Variants in BNC2 observed in about 807,000 individuals in gnomAD.
BNC2 encodes basonuclin zinc finger protein 2.
BNC2 carries 20 observed loss-of-function variants against 76.3 expected under a neutral mutation model. The observed-to-expected ratio is 0.26, with a 90% confidence interval of 0.18 to 0.38. The LOEUF (loss-of-function observed/expected upper bound fraction) is 0.38, where lower values mean the gene tolerates loss of function less well. Among genes scored for constraint, BNC2 ranks in the 10% least tolerant of loss-of-function variants. The pLI is 1.00. For synonymous variants in BNC2, 582 were observed against 514.8 expected (o/e 1.13, Z -1.77); for missense variants, 1,382 against 1,399.8 (o/e 0.99, Z 0.20).
At chr9:16,747,212 G>A (rs570940160) in intron 1 of BNC2, among the ~76,000 whole-genome samples, 4 of 152,208 alleles carry the variant, frequency 2.6e-5, no homozygotes, top group South Asian at 2.1e-4. Context: ...CCTTGTACCC[G>A]CTTCTAGAGA....
chr9:16,682,963 C>A (rs1018755008), intron 3 of BNC2, among the ~76,000 whole-genome samples: 1 of 152,198 alleles, frequency 6.6e-6, no homozygotes, highest in African/African-American at 2.4e-5. Context: ...GAGTGGGATT[C>A]TTTGCTGCTG....
intron 3 of BNC2, among the ~76,000 whole-genome samples, chr9:16,696,528 G>T (rs539869115): frequency 2.0e-5 from 3 of 152,200 alleles, no homozygotes; most frequent in African/African-American, 7.2e-5. Context: ...AGTGCTCTAT[G>T]TTCCTTAGGG....
chr9:16,782,912 G>T (rs1826193911), intron 1 of BNC2, among the ~76,000 whole-genome samples: 1 of 152,158 alleles, frequency 6.6e-6, no homozygotes, highest in Non-Finnish European at 1.5e-5. Flanking sequence ...TACCTTAGAA[G>T]CTAGGCATGC....
At chr9:16,839,535 G>C (rs998926772) in intron 1 of BNC2, among the ~76,000 whole-genome samples, 1 of 152,160 alleles carries the variant, frequency 6.6e-6, no homozygotes, top group African/African-American at 2.4e-5. Flanking sequence ...GACCTACTAT[G>C]TTTGACTCAC....
At chr9:16,803,309 G>T (rs982153258) in intron 1 of BNC2, among the ~76,000 whole-genome samples, 1 of 152,166 alleles carries the variant, frequency 6.6e-6, no homozygotes, top group Non-Finnish European at 1.5e-5. Context: ...AAATGTTTTA[G>T]CCCTCAACTT....
At chr9:16,552,002 AGG>A (rs995793033) in intron 5 of BNC2, among the ~76,000 whole-genome samples, 1 of 152,162 alleles carries the variant, frequency 6.6e-6, no homozygotes, top group Non-Finnish European at 1.5e-5. Flanking sequence ...CTATCATGTG[AGG>A]GTTTACTGGT....
intron 3 of BNC2, among the ~76,000 whole-genome samples, chr9:16,681,642 C>T (rs549572166): frequency 5.9e-5 from 9 of 152,306 alleles, no homozygotes; most frequent in Admixed American, 1.3e-4. Context: ...TACACTTATT[C>T]TCTACCCCTC....
intron 1 of BNC2, among the ~76,000 whole-genome samples, chr9:16,792,852 T>C (rs534996896): frequency 2.0e-5 from 3 of 152,316 alleles, no homozygotes; most frequent in Admixed American, 6.5e-5. Flanking sequence ...AGGAATTCCA[T>C]ATGGAATAGG....
intron 1 of BNC2, among the ~76,000 whole-genome samples, chr9:16,862,035 T>G (rs895421230): frequency 2.0e-5 from 3 of 151,024 alleles, no homozygotes; most frequent in African/African-American, 7.3e-5. Flanking sequence ...GAGGAGGGTG[T>G]AGAGAGACTG....
rs149521288 is a variant in BNC2 at position 16,805,957 on chromosome 9, G to C, written c.3+64689C>G. Among the ~76,000 whole-genome samples the C allele has an allele frequency of 5.4e-3, 828 of 152,236 alleles. 16 individuals are homozygous for C. Among genetic ancestry groups the C allele is most frequent in the African/African-American group, 0.019 (792 of 41,534 alleles). On this transcript the variant is annotated intron_variant, in intron 1 of 6. Transcript: ENST00000380672. The stretch of plus-strand genomic sequence containing the variant: ...TATATTTTGATTCTAATGTGAAATA[G>C]TTTGTGAAGCAAACAGTACAAATGA...
chr9:16,525,637 A>G (rs1817776174), intron 5 of BNC2, among the ~76,000 whole-genome samples: 1 of 152,216 alleles, frequency 6.6e-6, no homozygotes, highest in Admixed American at 6.5e-5. Flanking sequence ...AGGCACACAA[A>G]TTACGATACA....
chr9:16,580,491 A>T (rs375684649), intron 4 of BNC2, among the ~76,000 whole-genome samples: 3 of 152,230 alleles, frequency 2.0e-5, no homozygotes, highest in East Asian at 3.9e-4. Flanking sequence ...TAACAAAAAC[A>T]TCTTATTCAA....
intron 5 of BNC2, among the ~76,000 whole-genome samples, chr9:16,514,761 C>A (rs532024827): frequency 1.3e-5 from 2 of 152,228 alleles, no homozygotes; most frequent in Middle Eastern, 6.8e-3. Flanking sequence ...AAGGGATCCA[C>A]GTCTCGATGA....
chr9:16,699,320 G>A (rs1823439993), intron 3 of BNC2: 2 of 386,024 alleles, frequency 5.2e-6, no homozygotes, highest in African/African-American at 2.2e-5. Context: ...TGATGGAAAT[G>A]TATTAATTCA....
intron 5 of BNC2, among the ~76,000 whole-genome samples, chr9:16,496,134 C>A (rs1822384845): frequency 6.6e-6 from 1 of 152,126 alleles, no homozygotes. Context: ...GTCTCTAACT[C>A]CTGACCTCAG....
chr9:16,735,774 G>A (rs1301161332), intron 2 of BNC2, among the ~76,000 whole-genome samples: 2 of 151,986 alleles, frequency 1.3e-5, no homozygotes, highest in South Asian at 2.1e-4. Flanking sequence ...AAAGTGCTGG[G>A]ATTACAGGGG....
chr9:16,793,367 C>T (rs1381940734), intron 1 of BNC2, among the ~76,000 whole-genome samples: 1 of 152,180 alleles, frequency 6.6e-6, no homozygotes, highest in Admixed American at 6.5e-5. Context: ...AATGTATTTA[C>T]CCCATCACAC....
chr9:16,419,272 G>T lies in BNC2; in HGVS notation c.3017C>A (p.Ala1006Asp). 6.2e-7 allele frequency: 1 copy of T among 1,614,200 alleles called. No individual in the cohort carries two copies. The highest frequency in any genetic ancestry group is 8.5e-7 in the Non-Finnish European group (1 of 1,180,032). ...GCTGCCAGGGAGGGCAGGGGCCTCG[G>T]CCTTGTGTGCCGACTCCCCACTGTC... is the stretch of plus-strand genomic sequence containing the variant. ...ASDSGESAHKAEAPALPGSLG... is the reference protein window; with the variant it reads ...ASDSGESAHKDEAPALPGSLG... Residue 1006 changes from alanine (A) to aspartate (D), a missense_variant, in exon 7 of 7, where the codon GCC becomes GAC. Ala to Asp is a moderately radical substitution (Grantham distance 126). This residue lies in a region of BNC2 where 798 missense variants were observed against 775.5 expected (regional missense o/e 1.03). Coordinates refer to ENST00000380672, the MANE Select transcript of BNC2 (RefSeq NM_017637.6).
chr9:16,472,958 GC>G (rs1360951499), intron 5 of BNC2, among the ~76,000 whole-genome samples: 6 of 152,322 alleles, frequency 3.9e-5, no homozygotes, highest in African/African-American at 1.4e-4. Flanking sequence ...CCACAGAGAG[GC>G]AGCAGCTGTA....
Sources: gnomAD v4.1 joint callset for allele counts (sites outside exome capture counted in the v4.1 genomes callset) on GRCh38, gnomAD v4.1.1 for gene constraint, gnomAD v4.1.1 regional missense constraint, MANE v1.5 for transcripts, NCBI Gene and HGNC (gene_info 2026-07-23, HGNC 2026-07-21) for gene names.